The following CDH12 variants were observed in gnomAD, a reference collection of about 807,000 sequenced individuals.
CDH12 encodes cadherin-12.
A neutral mutation model predicts 74.1 loss-of-function variants in CDH12; 41 were observed. The observed-to-expected ratio is 0.55, with a 90% CI of 0.43 to 0.72. The LOEUF is 0.72. Ranked by LOEUF, CDH12 falls within the 30% of genes least tolerant of loss-of-function variation. The probability of loss-of-function intolerance (pLI) is 0.00; values close to 1 mark genes in which losing one functional copy is unlikely to be tolerated. For synonymous variants in CDH12, 399 were observed against 355.0 expected (o/e 1.12, Z -1.39); for missense variants, 945 against 977.2 (o/e 0.97, Z 0.44).
intron 2 of CDH12, among the ~76,000 whole-genome samples, chr5:22,433,451 C>A (rs1001770013): frequency 4.0e-5 from 6 of 151,828 alleles, no homozygotes; most frequent in African/African-American, 1.5e-4. Context: ...GATATTAAAA[C>A]GTATAGGGAT....
chr5:22,478,417 C>CAA (rs34576542), intron 2 of CDH12, among the ~76,000 whole-genome samples: 14,403 of 87,766 alleles, frequency 0.16, 1,601 homozygotes, highest in East Asian at 0.21. Context: ...GACTCCGTCT[C>CAA]AAAAAAAAAA....
At chr5:22,240,634 A>G (rs1752714822) in intron 3 of CDH12, among the ~76,000 whole-genome samples, 1 of 152,124 alleles carries the variant, frequency 6.6e-6, no homozygotes, top group African/African-American at 2.4e-5. Context: ...CCCAGCTTCA[A>G]CTGATTCTCC....
At chr5:22,760,075 T>A (rs1281685614) in intron 1 of CDH12, among the ~76,000 whole-genome samples, 1 of 152,216 alleles carries the variant, frequency 6.6e-6, no homozygotes, top group Non-Finnish European at 1.5e-5. Context: ...TGATTAAATA[T>A]CTGGGATGTG....
intron 2 of CDH12, among the ~76,000 whole-genome samples, chr5:22,412,470 C>T (rs920641693): frequency 2.6e-5 from 4 of 151,830 alleles, no homozygotes; most frequent in African/African-American, 9.7e-5. Flanking sequence ...TGAATAAAAA[C>T]CCACCTCCAT....
intron 4 of CDH12, among the ~76,000 whole-genome samples, chr5:22,086,865 G>C (rs1475362439): frequency 6.6e-6 from 1 of 152,116 alleles, no homozygotes; most frequent in Non-Finnish European, 1.5e-5. Flanking sequence ...TTTGTGGTGT[G>C]ATTTTAACTG....
At chr5:22,312,217 G>A (rs1222839508) in intron 3 of CDH12, among the ~76,000 whole-genome samples, 2 of 151,798 alleles carry the variant, frequency 1.3e-5, no homozygotes, top group Non-Finnish European at 2.9e-5. Flanking sequence ...CAGTAGATAT[G>A]TTATAAAATT....
chr5:22,421,649 C>A (rs950275208), intron 2 of CDH12, among the ~76,000 whole-genome samples: 1 of 152,074 alleles, frequency 6.6e-6, no homozygotes, highest in Non-Finnish European at 1.5e-5. Flanking sequence ...AATAAACATA[C>A]GTGTACATGT....
intron 1 of CDH12, among the ~76,000 whole-genome samples, chr5:22,549,781 G>A (rs986829186): frequency 2.6e-5 from 4 of 152,140 alleles, no homozygotes; most frequent in Non-Finnish European, 5.9e-5. Context: ...ACCAAGTATT[G>A]ATCGACAATC....
chr5:22,043,607 T>A (rs1739723285), intron 5 of CDH12, among the ~76,000 whole-genome samples: 1 of 147,704 alleles, frequency 6.8e-6, no homozygotes. Context: ...TTAGATAAAA[T>A]AAAAAAATAA....
intron 7 of CDH12, among the ~76,000 whole-genome samples, chr5:21,845,360 A>G (rs371529632): frequency 9.2e-5 from 14 of 152,022 alleles, no homozygotes; most frequent in African/African-American, 2.7e-4. Flanking sequence ...CCAGTCATCC[A>G]CTCCTAATGG....
intron 5 of CDH12, among the ~76,000 whole-genome samples, chr5:22,066,397 C>T (rs1741566170): frequency 1.3e-5 from 2 of 152,024 alleles, no homozygotes; most frequent in Non-Finnish European, 2.9e-5. Context: ...ATATTCAGAC[C>T]TTTGGGGGAC....
intron 5 of CDH12, among the ~76,000 whole-genome samples, chr5:21,982,583 TAGAG>T (rs200610373): frequency 0.016 from 2,380 of 151,854 alleles, 57 homozygotes; most frequent in South Asian, 0.06. Flanking sequence ...CATCTATATA[TAGAG>T]AGATCTCTCT....
At position 22,052,518 on chromosome 5, in the gene CDH12, A is replaced by C. The variant is rs184134781; in HGVS notation, c.231+25928T>G. Reference sequence around the variant, plus strand: ...ATTTAATTTTGACATTTCTTTGTGCACCTACACTGAGAGGTGTTGCTTATA... The same window carrying C: ...ATTTAATTTTGACATTTCTTTGTGCCCCTACACTGAGAGGTGTTGCTTATA... On this transcript the variant is annotated intron_variant, in intron 5 of 14. Transcript: ENST00000382254. 7.0e-4 allele frequency among the ~76,000 whole-genome samples: 106 copies of C among 152,200 alleles called. 1 individual carries two copies. In the East Asian group the frequency reaches 0.02, roughly 28 times the overall value.
At chr5:22,124,054 G>A (rs929555145) in intron 4 of CDH12, among the ~76,000 whole-genome samples, 4 of 151,744 alleles carry the variant, frequency 2.6e-5, no homozygotes, top group African/African-American at 9.7e-5. Flanking sequence ...TGCAACCTCA[G>A]CCTCCCAGGA....
intron 3 of CDH12, among the ~76,000 whole-genome samples, chr5:22,329,248 G>A (rs1027318341): frequency 2.6e-5 from 4 of 152,288 alleles, no homozygotes; most frequent in South Asian, 4.1e-4. Flanking sequence ...GAGAGCAAAT[G>A]TCAGACTTAA....
chr5:22,121,276 A>G (rs1745497551), intron 4 of CDH12, among the ~76,000 whole-genome samples: 1 of 152,148 alleles, frequency 6.6e-6, no homozygotes, highest in South Asian at 2.1e-4. Flanking sequence ...AGATAGAGAT[A>G]ATATCTCCTT....
chr5:22,215,529 AT>A (rs1344224090), intron 3 of CDH12, among the ~76,000 whole-genome samples: 1 of 152,146 alleles, frequency 6.6e-6, no homozygotes, highest in African/African-American at 2.4e-5. Flanking sequence ...TCAATTTCAA[AT>A]TTTTAAAAAT....
chr5:22,358,962 C>G (rs1005368483), intron 3 of CDH12, among the ~76,000 whole-genome samples: 43 of 152,256 alleles, frequency 2.8e-4, no homozygotes, highest in African/African-American at 1.0e-3. Context: ...TAAAAACCAG[C>G]CACTGCAAAA....
At chr5:22,427,970 G>T (rs1363033085) in intron 2 of CDH12, among the ~76,000 whole-genome samples, 1 of 152,110 alleles carries the variant, frequency 6.6e-6, no homozygotes, top group Non-Finnish European at 1.5e-5. Flanking sequence ...TACTATAAAA[G>T]AAAAGAAGAA....
Sources: gnomAD v4.1 joint callset for allele counts (sites outside exome capture counted in the v4.1 genomes callset) on GRCh38, gnomAD v4.1.1 for gene constraint, MANE v1.5 for transcripts, NCBI Gene and HGNC (gene_info 2026-07-23, HGNC 2026-07-21) for gene names.